The following LRWD1 variants were observed in gnomAD, a reference collection of about 807,000 sequenced individuals.
The protein encoded by LRWD1 is leucine-rich repeat and WD repeat-containing protein 1.
In LRWD1, 76 loss-of-function variants were observed where a neutral mutation model predicts 75.6. The ratio of observed to expected loss-of-function variants is 1.01; its 90% CI spans 0.84 to 1.22. LRWD1 has a LOEUF of 1.22. Among genes scored for constraint, LRWD1 ranks in the 50% most tolerant of loss-of-function variants. The pLI, the probability that LRWD1 is intolerant of heterozygous loss-of-function variation, is 0.00. For synonymous variants in LRWD1, 487 were observed against 377.0 expected (o/e 1.29, Z -3.38); for missense variants, 917 against 862.0 (o/e 1.06, Z -0.80).
intron 8 of LRWD1, 39 bp from the exon 9 acceptor site, chr7:102,468,816 G>C (rs1283875731): frequency 1.9e-6 from 3 of 1,600,404 alleles, no homozygotes; most frequent in Non-Finnish European, 2.6e-6. Flanking sequence ...CACACCAATA[G>C]CTCTGCCCCA....
At chr7:102,466,103 G>T (rs1797965870) in intron 2 of LRWD1, 51 bp from the exon 3 acceptor site, 1 of 1,612,374 alleles carries the variant, frequency 6.2e-7, no homozygotes, top group East Asian at 2.2e-5. Flanking sequence ...ACTCTGTTGG[G>T]CTCAGGCTCA....
chr7:102,469,716 C>T (rs774050974), intron 10 of LRWD1, 26 bp from the exon 11 acceptor site: 4 of 1,612,186 alleles, frequency 2.5e-6, no homozygotes, highest in East Asian at 2.2e-5. Flanking sequence ...GGGTCTGATG[C>T]TCTGTTCCCC....
rs370808332 is a variant in LRWD1, at chr7:102,469,562, C to T, written c.1229-12C>T. 1.2e-6 allele frequency: 2 copies of T among 1,614,036 alleles called. No individual in the cohort carries two copies. Among genetic ancestry groups the T allele is most frequent in the Admixed American group, 1.7e-5 (1 of 60,020 alleles). Reference sequence around the variant, plus strand: ...TCAGGGCCACTTCTCCCCTACCCCACCCCCTCTTCAGCGGCCTCCTATGAC... The same window carrying T: ...TCAGGGCCACTTCTCCCCTACCCCATCCCCTCTTCAGCGGCCTCCTATGAC... On this transcript the variant is annotated splice_polypyrimidine_tract_variant and intron_variant, in intron 9 of 14. Coordinates refer to ENST00000292616, the MANE Select transcript of LRWD1 (RefSeq NM_152892.3).
chr7:102,472,648 C>G (rs770367965), intron 13 of LRWD1, 39 bp downstream of exon 13: 1 of 1,611,102 alleles, frequency 6.2e-7, no homozygotes, highest in Admixed American at 1.7e-5. Flanking sequence ...CCGCGGGCTT[C>G]CGGGAGCTCT....
chr7:102,471,549 G>C (rs552446521), intron 11 of LRWD1: 1 of 154,532 alleles, frequency 6.5e-6, no homozygotes, highest in African/African-American at 2.4e-5. Flanking sequence ...CGTATGTCTG[G>C]TCCCTGTGTC....
intron 4 of LRWD1, 90 bp downstream of exon 4, chr7:102,467,569 TG>T: frequency 6.4e-7 from 1 of 1,565,838 alleles, no homozygotes. Flanking sequence ...TGAGGGGCTG[TG>T]GGAGTGGGGT....
chr7:102,473,009 T>A lies in LRWD1; in HGVS notation c.1904T>A (p.Leu635Gln), dbSNP rs745627593. The A allele has an allele frequency of 1.2e-6, 2 of 1,613,896 alleles. No homozygotes were observed. The highest frequency in any genetic ancestry group is 2.2e-5 in the East Asian group (1 of 44,862). Residue 635 changes from leucine (L) to glutamine (Q), a missense_variant, in exon 15 of 15, where the codon CTG becomes CAG. Coordinates refer to ENST00000292616, the MANE Select transcript of LRWD1 (RefSeq NM_152892.3). ...GCCTCCTTCACCTACCTCACCGCCC[T>A]GACGGACTCCAACATCGTAGCCATC... ...ANASFTYLTA[L>Q]TDSNIVAIWG...
intron 1 of LRWD1, 85 bp from the exon 2 acceptor site, chr7:102,465,732 G>T (rs754846500): frequency 8.1e-6 from 8 of 983,700 alleles, no homozygotes; most frequent in Non-Finnish European, 1.1e-5. Flanking sequence ...AATGTCAGGT[G>T]AAAAAGCCTT....
intron 1 of LRWD1, 189 bp from the exon 2 acceptor site, chr7:102,465,628 G>A (rs949487006): frequency 5.1e-6 from 3 of 585,610 alleles, no homozygotes; most frequent in Non-Finnish European, 9.2e-6. Flanking sequence ...GGAGGCAGCT[G>A]TGAGCTATGA....
In LRWD1 at chr7:102,472,546, G is replaced by A. The variant is rs1563658939; in HGVS notation, c.1627G>A (p.Val543Ile). ...RGSQSTVAVV[V>I]LARLQWSSTE... Reference sequence around the variant, plus strand: ...CAGCCAGTCCACGGTGGCAGTGGTGGTCCTGGCGCGGCTGCAATGGTCGTC... The same window carrying A: ...CAGCCAGTCCACGGTGGCAGTGGTGATCCTGGCGCGGCTGCAATGGTCGTC... Residue 543 changes from valine to isoleucine, a missense_variant, in exon 13 of 15, where the codon GTC (valine) becomes ATC (isoleucine). Physicochemically the swap from Val to Ile is conservative, Grantham distance 29. Coordinates refer to ENST00000292616, the MANE Select transcript of LRWD1 (RefSeq NM_152892.3). The A allele has an allele frequency of 2.5e-6, 4 of 1,591,228 alleles. No homozygotes were observed. Among genetic ancestry groups the A allele is most frequent in the Non-Finnish European group, 3.4e-6 (4 of 1,170,212 alleles).
At position 102,465,864 on chromosome 7, in the gene LRWD1, T is replaced by C; in HGVS notation, c.128T>C (p.Leu43Pro). The C allele has an allele frequency of 6.2e-7, 1 of 1,613,462 alleles. No individual in the cohort carries two copies. The highest frequency in any genetic ancestry group is 8.5e-7 in the Non-Finnish European group (1 of 1,179,996). The change falls in exon 2 of 15, where the codon CTG becomes CCG. Residue 43 changes from leucine (L) to proline (P), a missense_variant. Leu to Pro is a moderately conservative substitution (Grantham distance 98). Transcript: ENST00000292616. Reference sequence around the variant, plus strand: ...TCCGAGCACCTGGACCCCAAACTCCTGTGCCGCCTGACGCAGCTGCAGGAG... The same window carrying C: ...TCCGAGCACCTGGACCCCAAACTCCCGTGCCGCCTGACGCAGCTGCAGGAG... Reference protein sequence around the residue: ...LLSEHLDPKLLCRLTQLQELD... With the variant: ...LLSEHLDPKLPCRLTQLQELD...
At chr7:102,468,508 T>C in intron 7 of LRWD1, 46 bp from the exon 8 acceptor site, 2 of 1,550,454 alleles carry the variant, frequency 1.3e-6, no homozygotes, top group Non-Finnish European at 1.7e-6. Context: ...AGGACCTAGA[T>C]GGGAAATGTC....
rs557225598 is a variant in LRWD1, at chr7:102,468,902, T to C, written c.1068T>C (p.Ala356=). 3 of 1,612,936 alleles carry C rather than the reference T, an allele frequency of 1.9e-6. No individual in the cohort carries two copies. The African/African-American group carries it at 4.0e-5, about 22-fold the overall frequency. Residue 356 remains alanine, a synonymous_variant, in exon 9 of 15, where the codon GCT becomes GCC. Transcript: ENST00000292616. ...CCGCTCTGATGGTGGTCACACAGGC[T>C]GGCCACAAGAAGCGCTGGAGTGTGC... ...AWTALMVVTQ[A]GHKKRWSVLA...
chr7:102,473,099 C>A lies in LRWD1; in HGVS notation c.*50C>A, dbSNP rs1308704561. On this transcript the variant is annotated 3_prime_UTR_variant, in exon 15 of 15. Transcript: ENST00000292616. ...GGACACAGCTAACTAACTTATTCAG[C>A]TTTGGGCCGATGGGGGTGGGGGGGG... 5 of 1,520,104 alleles carry A rather than the reference C, an allele frequency of 3.3e-6. No homozygotes were observed. In the Admixed American group the frequency reaches 6.0e-5, roughly 18 times the overall value. The allele number at this position is 1,520,104 out of a possible 1,614,324, so 94.2% of individuals were successfully genotyped here. A position where few individuals can be genotyped will look rare whatever the true frequency, so the allele number is the denominator to read the frequency against.
In LRWD1 at chr7:102,469,892, G is replaced by C. The variant is rs752908692; in HGVS notation, c.1442+10G>C. 6.6e-7 allele frequency: 1 copy of C among 1,521,042 alleles called. No homozygotes were observed. Among genetic ancestry groups the C allele is most frequent in the Non-Finnish European group, 8.8e-7 (1 of 1,136,672 alleles). The allele number at this position is 1,521,042 out of a possible 1,614,324, so 94.2% of individuals were successfully genotyped here. The stretch of plus-strand genomic sequence containing the variant: ...AGCCCCAAAAGAGGAGGTGAGGCTG[G>C]GCAGGGGGCGCCTTGGAAGCCAGGC... On this transcript the variant is annotated intron_variant, in intron 11 of 14. Coordinates refer to ENST00000292616, the MANE Select transcript of LRWD1 (RefSeq NM_152892.3).
At position 102,469,069 on chromosome 7, in the gene LRWD1, C is replaced by T; in HGVS notation, c.1228+7C>T. On this transcript the variant is annotated splice_region_variant and intron_variant, in intron 9 of 14. Coordinates refer to ENST00000292616, the MANE Select transcript of LRWD1 (RefSeq NM_152892.3). ...CACGAGACCCATCTCTTCAGTAAGC[C>T]CCTCCCCTTCACCCCTGGGACCCCC... 2 of 1,590,622 alleles carry T rather than the reference C, an allele frequency of 1.3e-6. No individual in the cohort carries two copies. Among genetic ancestry groups the T allele is most frequent in the Non-Finnish European group, 1.7e-6 (2 of 1,167,482 alleles).
chr7:102,472,515 C>A lies in LRWD1; in HGVS notation c.1596C>A (p.Gly532=). The A allele has an allele frequency of 6.4e-7, 1 of 1,558,144 alleles. No individual in the cohort carries two copies. Among genetic ancestry groups the A allele is most frequent in the Non-Finnish European group, 8.7e-7 (1 of 1,152,826 alleles). ...CLWSWRQTWG[G]RGSQSTVAVV... Reference sequence around the variant, plus strand: ...GGAGCTGGAGGCAGACGTGGGGGGGCCGGGGCAGCCAGTCCACGGTGGCAG... The same window carrying A: ...GGAGCTGGAGGCAGACGTGGGGGGGACGGGGCAGCCAGTCCACGGTGGCAG... Residue 532 remains glycine (G), a synonymous_variant, in exon 13 of 15, where the codon GGC becomes GGA. Transcript: ENST00000292616.
Position 102,469,605 on chromosome 7 carries a change from GGAC to G in LRWD1, c.1261_1263del (p.Asp421del), listed in dbSNP as rs759478626. Reference sequence around the variant, plus strand: ...CCTATGACAAGCGGATCATCCTCTGGGACATCGGGGTGCCCAACCAGGACTACG... The same window carrying G: ...CCTATGACAAGCGGATCATCCTCTGGATCGGGGTGCCCAACCAGGACTACG... On this transcript the variant is annotated inframe_deletion, in exon 10 of 15. Coordinates refer to ENST00000292616, the MANE Select transcript of LRWD1 (RefSeq NM_152892.3). 4.2e-5 allele frequency: 68 copies of G among 1,614,086 alleles called. No individual in the cohort carries two copies. Among genetic ancestry groups the G allele is most frequent in the Non-Finnish European group, 5.5e-5 (65 of 1,180,016 alleles).
rs1797957499 is a variant in LRWD1 at position 102,465,822 on chromosome 7, C to T, written c.86C>T (p.Ser29Leu). ...RLGKIRSLDL[S>L]GLELLSEHLD... ...CCTTCTGCCCCCAACTCCAGCCTGTCAGGATTGGAGCTGCTTTCCGAGCAC... is the reference window on the plus strand; with the variant it reads ...CCTTCTGCCCCCAACTCCAGCCTGTTAGGATTGGAGCTGCTTTCCGAGCAC... The change falls in exon 2 of 15, where the codon TCA becomes TTA. Residue 29 changes from serine (S) to leucine (L), a missense_variant. Transcript: ENST00000292616. 6.2e-7 allele frequency: 1 copy of T among 1,612,520 alleles called. No homozygotes were observed. The highest frequency in any genetic ancestry group is 8.5e-7 in the Non-Finnish European group (1 of 1,179,558).
Sources: gnomAD v4.1 joint callset for allele counts on GRCh38, gnomAD v4.1.1 for gene constraint, MANE v1.5 for transcripts, NCBI Gene and HGNC (gene_info 2026-07-23, HGNC 2026-07-21) for gene names.